The following CTNNA2 variants were observed in gnomAD, a reference collection of about 807,000 sequenced individuals.
CTNNA2 encodes catenin alpha-2.
A neutral mutation model predicts 101.0 loss-of-function variants in CTNNA2; 42 were observed. The ratio of observed to expected loss-of-function variants is 0.42; its 90% CI spans 0.32 to 0.54. CTNNA2 has a LOEUF of 0.54. Ranked by LOEUF, CTNNA2 falls within the 20% of genes least tolerant of loss-of-function variation. The pLI is 0.14. For missense variants in CTNNA2, 871 were observed against 1,223.1 expected, an observed-to-expected ratio of 0.71 and a Z score of 4.29; for synonymous variants, 450 against 456.4, an observed-to-expected ratio of 0.99 and a Z score of 0.18.
chr2:80,505,301 G>C (rs1240745358), intron 9 of CTNNA2, among the ~76,000 whole-genome samples: 1 of 152,136 alleles, frequency 6.6e-6, no homozygotes, highest in African/African-American at 2.4e-5. Context: ...CCCAGGGCTC[G>C]GCTTATCTCT....
At chr2:80,044,245 C>T (rs918098677) in intron 7 of CTNNA2, among the ~76,000 whole-genome samples, 3 of 152,106 alleles carry the variant, frequency 2.0e-5, no homozygotes, top group East Asian at 1.9e-4. Flanking sequence ...ATAACATAGC[C>T]GCACACCTTT....
At chr2:79,217,423 TAG>T (rs1674280814) in intron 2 of CTNNA2, among the ~76,000 whole-genome samples, 2 of 151,282 alleles carry the variant, frequency 1.3e-5, no homozygotes, top group South Asian at 4.2e-4. Context: ...TGAAGGGAGA[TAG>T]AGGTGGGGCC....
chr2:80,540,808 C>T lies in CTNNA2; in HGVS notation c.1291-4174C>T, dbSNP rs535162546. Among the ~76,000 whole-genome samples the T allele has an allele frequency of 2.0e-4, 31 of 152,234 alleles. No homozygotes were observed. In the Middle Eastern group the frequency reaches 0.01, roughly 50 times the overall value. On this transcript the variant is annotated intron_variant, in intron 9 of 18. Transcript: ENST00000402739. ...TTCCCGGTCTCAAGCGATTCTCCTG[C>T]TTCAGCCTCCTGAGTATTTTGGATT...
chr2:79,937,783 A>G lies in CTNNA2; in HGVS notation c.1056+27986A>G, dbSNP rs111259086. 3.3e-5 allele frequency among the ~76,000 whole-genome samples: 5 copies of G among 152,346 alleles called. 1 individual carries two copies. The highest frequency in any genetic ancestry group is 1.2e-4 in the African/African-American group (5 of 41,582). On this transcript the variant is annotated intron_variant, in intron 7 of 18. Coordinates refer to ENST00000402739, the MANE Select transcript of CTNNA2 (RefSeq NM_001282597.3). ...TAAAGCTAATCAGAAGACTGAAAAG[A>G]CAATTAAAAGAGGACTACATTTCTT... is the stretch of plus-strand genomic sequence containing the variant.
At chr2:80,150,185 T>A (rs566708757) in intron 7 of CTNNA2, among the ~76,000 whole-genome samples, 2 of 152,196 alleles carry the variant, frequency 1.3e-5, no homozygotes, top group Non-Finnish European at 2.9e-5. Flanking sequence ...TCATTTGGAT[T>A]TTACAGCTTG....
chr2:80,492,950 C>T (rs1687177330), intron 9 of CTNNA2, among the ~76,000 whole-genome samples: 2 of 152,162 alleles, frequency 1.3e-5, no homozygotes, highest in Non-Finnish European at 2.9e-5. Flanking sequence ...GTTTCCTTGT[C>T]TTTCTCTCTC....
Position 79,293,539 on chromosome 2 carries a change from T to A in CTNNA2, c.-405-19170T>A, listed in dbSNP as rs75135893. On this transcript the variant is annotated intron_variant, in intron 2 of 21. Coordinates refer to the CTNNA2 transcript ENST00000466387. The stretch of plus-strand genomic sequence containing the variant: ...AAATAAGTACATAGACAATAAGGAG[T>A]CTATAAAGCAATTTAAAGGCATAGA... 3.3e-3 allele frequency among the ~76,000 whole-genome samples: 508 copies of A among 151,816 alleles called. 8 individuals are homozygous for A. Among genetic ancestry groups the A allele is most frequent in the African/African-American group, 0.012 (476 of 41,382 alleles).
chr2:80,125,273 C>T (rs1376109189), intron 7 of CTNNA2, among the ~76,000 whole-genome samples: 2 of 152,104 alleles, frequency 1.3e-5, no homozygotes, highest in Non-Finnish European at 2.9e-5. Flanking sequence ...CAATCACAGG[C>T]TCCGGCTCTC....
intron 3 of CTNNA2, among the ~76,000 whole-genome samples, chr2:79,811,271 A>G (rs1222246261): frequency 6.6e-6 from 1 of 152,082 alleles, no homozygotes; most frequent in Non-Finnish European, 1.5e-5. Flanking sequence ...CATTTCTCTG[A>G]TGTCCAGTGA....
intron 3 of CTNNA2, among the ~76,000 whole-genome samples, chr2:79,847,653 A>C (rs1434117): frequency 0.38 from 57,659 of 150,750 alleles, 11,195 homozygotes; most frequent in South Asian, 0.44. Context: ...TGCATCTGTT[A>C]AAATTTCATC....
At chr2:79,378,710 A>C (rs988213708) in intron 4 of CTNNA2, among the ~76,000 whole-genome samples, 1 of 152,202 alleles carries the variant, frequency 6.6e-6, no homozygotes, top group Admixed American at 6.5e-5. Context: ...ATACATTTAC[A>C]TGAGGTGCTT....
chr2:79,404,384 C>T (rs1573149547), intron 4 of CTNNA2, among the ~76,000 whole-genome samples: 1 of 152,056 alleles, frequency 6.6e-6, no homozygotes, highest in Non-Finnish European at 1.5e-5. Flanking sequence ...ACCAAGCCAA[C>T]TCTAGCAGCC....
chr2:79,945,735 C>T (rs886082685), intron 7 of CTNNA2, among the ~76,000 whole-genome samples: 1 of 152,108 alleles, frequency 6.6e-6, no homozygotes, highest in Non-Finnish European at 1.5e-5. Context: ...CAAGCCATAT[C>T]CTCTGAGATT....
intron 3 of CTNNA2, among the ~76,000 whole-genome samples, chr2:79,788,820 T>G (rs1675047675): frequency 6.6e-6 from 1 of 152,172 alleles, no homozygotes; most frequent in Non-Finnish European, 1.5e-5. Context: ...CAAGCTCATT[T>G]TATAATTTTG....
At chr2:79,890,194 C>T (rs1019468314) in intron 6 of CTNNA2, among the ~76,000 whole-genome samples, 2 of 152,054 alleles carry the variant, frequency 1.3e-5, no homozygotes, top group Non-Finnish European at 2.9e-5. Flanking sequence ...TAAAGAGGAG[C>T]GAATGGCAGA....
chr2:80,042,479 G>A (rs770348701), intron 7 of CTNNA2, among the ~76,000 whole-genome samples: 1 of 152,170 alleles, frequency 6.6e-6, no homozygotes, highest in Non-Finnish European at 1.5e-5. Context: ...AGAGAGAATT[G>A]CACTGAGCCA....
At chr2:79,643,034 T>C (rs1435643619) in intron 1 of CTNNA2, among the ~76,000 whole-genome samples, 1 of 151,742 alleles carries the variant, frequency 6.6e-6, no homozygotes, top group Non-Finnish European at 1.5e-5. Context: ...CTACTAAAAA[T>C]ACAAAAATTA....
intron 2 of CTNNA2, among the ~76,000 whole-genome samples, chr2:79,238,764 A>G (rs1303854888): frequency 6.6e-6 from 1 of 152,160 alleles, no homozygotes; most frequent in Non-Finnish European, 1.5e-5. Flanking sequence ...TTTCACAGCC[A>G]TTATCATATT....
At chr2:80,597,888 A>G (rs943090710) in intron 15 of CTNNA2, among the ~76,000 whole-genome samples, 1 of 152,210 alleles carries the variant, frequency 6.6e-6, no homozygotes, top group African/African-American at 2.4e-5. Context: ...AAATTAGTTG[A>G]ACCATTGTGG....
Sources: allele counts gnomAD v4.1 joint callset (sites outside exome capture counted in the v4.1 genomes callset), GRCh38; gene constraint gnomAD v4.1.1; transcripts MANE v1.5; gene names NCBI Gene and HGNC (gene_info 2026-07-23, HGNC 2026-07-21).